Variants in KLF12 observed in about 807,000 individuals in gnomAD.
KLF12 encodes the protein Krueppel-like factor 12.
KLF12 carries 9 observed loss-of-function variants against 37.8 expected under a neutral mutation model. That is an observed-to-expected ratio of 0.24 (90% CI 0.14 to 0.42). KLF12 has a LOEUF of 0.42. Among genes scored for constraint, KLF12 ranks in the 10% least tolerant of loss-of-function variants. The pLI, the probability that KLF12 is intolerant of heterozygous loss-of-function variation, is 1.00. For missense variants in KLF12, 411 were observed against 516.0 expected (o/e 0.80, Z 1.97); for synonymous variants, 208 against 202.1 (o/e 1.03, Z -0.25).
the KLF12 span, among the ~76,000 whole-genome samples, chr13:74,203,619 T>C: frequency 6.6e-6 from 1 of 152,090 alleles, no homozygotes. Flanking sequence ...TGCTATGCAA[T>C]GTGAAAATCT....
chr13:74,112,222 G>GTA (rs1555272954), intron 1 of KLF12, among the ~76,000 whole-genome samples: 1 of 151,134 alleles, frequency 6.6e-6, no homozygotes, highest in South Asian at 2.1e-4. Flanking sequence ...GTGTGTGTGT[G>GTA]TATGATATGT....
intron 3 of KLF12, among the ~76,000 whole-genome samples, chr13:73,900,020 A>C (rs1411676825): frequency 6.6e-6 from 1 of 152,206 alleles, no homozygotes; most frequent in Admixed American, 6.5e-5. Flanking sequence ...CTAAACTGAA[A>C]GTTTTTCGTT....
At chr13:73,986,424 T>C (rs1891829774) in intron 2 of KLF12, among the ~76,000 whole-genome samples, 1 of 152,200 alleles carries the variant, frequency 6.6e-6, no homozygotes, top group Non-Finnish European at 1.5e-5. Context: ...TTAATGGAAT[T>C]AGCAAAATGA....
Position 74,053,375 on chromosome 13 carries a change from C to A in KLF12, c.-31-58322G>T, listed in dbSNP as rs563026983. ...AAGAAATACCATATATTTTCTTTGT[C>A]TTTCCTTCCATTACCACTAACAACA... On this transcript the variant is annotated intron_variant, in intron 1 of 7. Transcript: ENST00000377669. Among the ~76,000 whole-genome samples the A allele has an allele frequency of 3.1e-5, 4 of 131,134 alleles. No individual in the cohort carries two copies. The South Asian group carries it at 1.1e-3, about 36-fold the overall frequency. 86.0% of individuals were successfully genotyped at this position (131,134 alleles called of 152,430 possible).
the KLF12 span, among the ~76,000 whole-genome samples, chr13:74,187,445 T>C: frequency 6.6e-6 from 1 of 151,690 alleles, no homozygotes; most frequent in Non-Finnish European, 1.5e-5. Context: ...ATAACCAGAG[T>C]AGCTATCCCA....
At chr13:73,999,866 C>T (rs1343523739) in intron 1 of KLF12, among the ~76,000 whole-genome samples, 2 of 152,222 alleles carry the variant, frequency 1.3e-5, no homozygotes, top group African/African-American at 2.4e-5. Context: ...ATGTCAGGAT[C>T]TCACATGAAC....
At chr13:74,008,195 G>A (rs1892464536) in intron 1 of KLF12, among the ~76,000 whole-genome samples, 1 of 152,130 alleles carries the variant, frequency 6.6e-6, no homozygotes, top group South Asian at 2.1e-4. Flanking sequence ...AAACTTTCCT[G>A]TAAGATAAAT....
At chr13:74,065,349 T>C (rs964096924) in intron 1 of KLF12, among the ~76,000 whole-genome samples, 28 of 152,250 alleles carry the variant, frequency 1.8e-4, no homozygotes, top group African/African-American at 6.7e-4. Flanking sequence ...AACACATATA[T>C]TTTAAAGTGA....
intron 1 of KLF12, among the ~76,000 whole-genome samples, chr13:74,133,695 G>A (rs1367650002): frequency 6.6e-6 from 1 of 151,546 alleles, no homozygotes; most frequent in Non-Finnish European, 1.5e-5. Flanking sequence ...AAAAAAAAGA[G>A]GAGGGGGTTG....
rs140697314 is a variant in KLF12, at chr13:73,915,689, ATTT to A, written c.123+28289_123+28291del. Reference sequence around the variant, plus strand: ...CACCACGCCCAGCTAATTTTTTTGTATTTTTTTTTTTTTTTTTTTTTTTTAGTA... The same window carrying A: ...CACCACGCCCAGCTAATTTTTTTGTATTTTTTTTTTTTTTTTTTTTTAGTA... On this transcript the variant is annotated intron_variant, in intron 3 of 7. Coordinates refer to ENST00000377669, the MANE Select transcript of KLF12 (RefSeq NM_007249.5). Among the ~76,000 whole-genome samples, 184 of 99,128 alleles carry A rather than the reference ATTT, an allele frequency of 1.9e-3. 2 individuals carry two copies. The highest frequency in any genetic ancestry group is 5.1e-3 in the African/African-American group (128 of 25,340). The allele number at this position is 99,128 out of a possible 152,430, so 65.0% of individuals were successfully genotyped here.
At chr13:74,138,444 T>C (rs1364234776), upstream of KLF12, among the ~76,000 whole-genome samples, 2 of 152,222 alleles carry the variant, frequency 1.3e-5, no homozygotes, top group Admixed American at 6.5e-5. Context: ...TGTTCAAGTA[T>C]GAGAAAGTGA....
chr13:74,039,699 A>G (rs1442168471), intron 1 of KLF12, among the ~76,000 whole-genome samples: 1 of 152,234 alleles, frequency 6.6e-6, no homozygotes, highest in African/African-American at 2.4e-5. Flanking sequence ...AAAAAATGAA[A>G]TATCAATGTT....
At chr13:74,104,890 T>TC (rs939391171) in intron 1 of KLF12, among the ~76,000 whole-genome samples, 4 of 151,890 alleles carry the variant, frequency 2.6e-5, no homozygotes, top group African/African-American at 4.8e-5. Context: ...TGGGTTAGGT[T>TC]CCCCCCTCCC....
intron 1 of KLF12, among the ~76,000 whole-genome samples, chr13:74,058,345 AATTTT>A (rs1258854192): frequency 7.5e-6 from 1 of 134,154 alleles, no homozygotes; most frequent in African/African-American, 2.7e-5. Flanking sequence ...TTTATCTCAT[AATTTT>A]ATCTTTTTTT....
At chr13:74,090,701 T>C (rs1281629217) in intron 1 of KLF12, among the ~76,000 whole-genome samples, 1 of 152,136 alleles carries the variant, frequency 6.6e-6, no homozygotes. Context: ...TGGGCTTTTC[T>C]GCTACTGTTG....
intron 3 of KLF12, among the ~76,000 whole-genome samples, chr13:73,856,739 A>G (rs959274854): frequency 2.0e-5 from 3 of 152,198 alleles, no homozygotes; most frequent in Non-Finnish European, 4.4e-5. Context: ...CTGTAATCCC[A>G]ACAATTTGGG....
chr13:73,686,614 T>C lies in KLF12; in HGVS notation c.*8876A>G, dbSNP rs1156559817. On this transcript the variant is annotated 3_prime_UTR_variant, in exon 8 of 8. Transcript: ENST00000377669. ...AATGAAGATTTAAGAACTCAACACA[T>C]TTGCTTGCCAGCATCACTGGGGGGC... 2.6e-5 allele frequency: 4 copies of C among 152,574 alleles called. No homozygotes were observed. Among genetic ancestry groups the C allele is most frequent in the African/African-American group, 7.2e-5 (3 of 41,464 alleles). 9.5% of individuals were successfully genotyped at this position (152,574 alleles called of 1,614,324 possible). A position where few individuals can be genotyped will look rare whatever the true frequency, so the allele number is the denominator to read the frequency against.
intron 6 of KLF12, 128 bp downstream of exon 6, chr13:73,764,810 C>T (rs1047290946): frequency 5.2e-5 from 29 of 561,268 alleles, no homozygotes; most frequent in African/African-American, 4.7e-4. Flanking sequence ...GAAAGGAAGA[C>T]CGCATAGTCC....
intron 3 of KLF12, among the ~76,000 whole-genome samples, chr13:73,935,962 G>C (rs1234021632): frequency 6.6e-6 from 1 of 152,058 alleles, no homozygotes; most frequent in Non-Finnish European, 1.5e-5. Context: ...TGTTTCATCT[G>C]TTTAATTTTT....
Sources: allele counts gnomAD v4.1 joint callset (sites outside exome capture counted in the v4.1 genomes callset), GRCh38; gene constraint gnomAD v4.1.1; transcripts MANE v1.5; gene names NCBI Gene and HGNC (gene_info 2026-07-23, HGNC 2026-07-21).